CDC14B: variants seen among roughly 807,000 people sequenced by gnomAD.
CDC14B encodes cell division cycle 14B.
Under a neutral mutation model 64.2 loss-of-function variants are expected in CDC14B, and 22 were observed. That is an observed-to-expected ratio of 0.34 (90% confidence interval 0.24 to 0.49). The LOEUF (loss-of-function observed/expected upper bound fraction) is 0.49. Ranked by LOEUF, CDC14B falls within the 20% of genes least tolerant of loss-of-function variation. The pLI is 0.99. For missense variants in CDC14B, 498 were observed against 629.9 expected (o/e 0.79, Z 2.24); for synonymous variants, 191 against 215.8 (o/e 0.89, Z 1.01).
rs773448253 is a variant in CDC14B at position 96,619,254 on chromosome 9, C to G, written c.125G>C (p.Arg42Pro). The change falls in exon 1 of 14, where the codon CGG becomes CCG. Residue 42 changes from arginine to proline, a missense_variant. Arg to Pro is a moderately radical substitution (Grantham distance 103). Transcript: ENST00000375241. ...RSSTQQDPRR[R>P]DPQDDVYLDI... ...CAGGTACACGTCGTCCTGGGGGTCC[C>G]GGCGGCGCGGGTCTTGCTGCGTGGA... is the stretch of plus-strand genomic sequence containing the variant. The G allele has an allele frequency of 1.5e-6, 2 of 1,359,404 alleles. No homozygotes were observed. The highest frequency in any genetic ancestry group is 2.2e-5 in the South Asian group (1 of 44,742). 84.2% of individuals were successfully genotyped at this position (1,359,404 alleles called of 1,614,324 possible).
intron 1 of CDC14B, among the ~76,000 whole-genome samples, chr9:96,595,790 C>T (rs936465671): frequency 1.3e-5 from 2 of 152,008 alleles, no homozygotes; most frequent in Non-Finnish European, 2.9e-5. Context: ...TTCGTAGTTG[C>T]GCCTGGCTGG....
chr9:96,588,353 T>TG (rs1845576302), intron 1 of CDC14B, among the ~76,000 whole-genome samples: 1 of 152,208 alleles, frequency 6.6e-6, no homozygotes, highest in Non-Finnish European at 1.5e-5. Context: ...GCAACTCCAC[T>TG]GGAAGCCAAA....
chr9:96,516,289 T>C (rs1328781909), intron 12 of CDC14B, among the ~76,000 whole-genome samples: 1 of 152,186 alleles, frequency 6.6e-6, no homozygotes, highest in African/African-American at 2.4e-5. Context: ...TACTAACTCC[T>C]GAGCCATCCA....
At chr9:96,511,397 C>T (rs927406964) in intron 12 of CDC14B, among the ~76,000 whole-genome samples, 4 of 152,120 alleles carry the variant, frequency 2.6e-5, no homozygotes, top group Non-Finnish European at 5.9e-5. Context: ...ATGGTGAAAC[C>T]CCGTCTCTAC....
chr9:96,517,668 G>GAAGAAAGA (rs555556606), intron 12 of CDC14B, among the ~76,000 whole-genome samples: 2 of 115,450 alleles, frequency 1.7e-5, no homozygotes, highest in African/African-American at 7.4e-5. Flanking sequence ...AAAAAAAGAA[G>GAAGAAAGA]AAGAAAGAAA....
In CDC14B at chr9:96,619,248, G is replaced by A. The variant is rs748246210; in HGVS notation, c.131C>T (p.Pro44Leu). 3 of 1,357,570 alleles carry A rather than the reference G, an allele frequency of 2.2e-6. No individual in the cohort carries two copies. The Admixed American group carries it at 8.3e-5, about 38-fold the overall frequency. The allele number at this position is 1,357,570 out of a possible 1,614,324, so 84.1% of individuals were successfully genotyped here. Reference protein sequence around the residue: ...STQQDPRRRDPQDDVYLDITD... With the variant: ...STQQDPRRRDLQDDVYLDITD... ...GATGTCCAGGTACACGTCGTCCTGG[G>A]GGTCCCGGCGGCGCGGGTCTTGCTG... The change falls in exon 1 of 14, where the codon CCC becomes CTC. Residue 44 changes from proline to leucine, a missense_variant. Physicochemically the swap from Pro to Leu is moderately conservative, Grantham distance 98. Transcript: ENST00000375241.
chr9:96,566,562 C>T (rs1843983141), intron 1 of CDC14B, among the ~76,000 whole-genome samples: 1 of 152,216 alleles, frequency 6.6e-6, no homozygotes, highest in African/African-American at 2.4e-5. Flanking sequence ...AGCTCACCTA[C>T]TAGGCTCAGG....
intron 12 of CDC14B, among the ~76,000 whole-genome samples, chr9:96,512,446 A>T (rs1262059915): frequency 6.6e-6 from 1 of 151,150 alleles, no homozygotes; most frequent in Admixed American, 6.6e-5. Flanking sequence ...CAGCCTCCAG[A>T]GTAGTTGGGA....
At chr9:96,566,033 T>C (rs1233058965) in intron 1 of CDC14B, among the ~76,000 whole-genome samples, 1 of 151,312 alleles carries the variant, frequency 6.6e-6, no homozygotes. Flanking sequence ...ACTTCGGTAT[T>C]TTTACAATTA....
At chr9:96,514,797 G>A in intron 12 of CDC14B, 1 of 985,468 alleles carries the variant, frequency 1.0e-6, no homozygotes. Flanking sequence ...CCTTCTGGGG[G>A]TCTTCAACAT....
chr9:96,541,485 G>A (rs895600054), intron 6 of CDC14B, among the ~76,000 whole-genome samples: 2 of 152,206 alleles, frequency 1.3e-5, no homozygotes, highest in Non-Finnish European at 1.5e-5. Flanking sequence ...ACAAATCAAA[G>A]AGAACTTACC....
chr9:96,554,387 G>T (rs568503122), intron 4 of CDC14B, among the ~76,000 whole-genome samples: 1 of 152,164 alleles, frequency 6.6e-6, no homozygotes, highest in East Asian at 1.9e-4. Flanking sequence ...TTTCCTGCTT[G>T]TGATTACAGT....
intron 2 of CDC14B, 140 bp downstream of exon 2, chr9:96,565,253 T>G (rs1303345073): frequency 3.4e-6 from 2 of 587,450 alleles, no homozygotes; most frequent in Non-Finnish European, 5.9e-6. Context: ...AAGGTTTATT[T>G]TATTACTACA....
intron 1 of CDC14B, among the ~76,000 whole-genome samples, chr9:96,607,437 T>TTC (rs1292597177): frequency 6.8e-6 from 1 of 147,294 alleles, no homozygotes; most frequent in Non-Finnish European, 1.5e-5. Flanking sequence ...TTTTTTTTTT[T>TTC]TAAGATAGAG....
intron 9 of CDC14B, 114 bp downstream of exon 9, chr9:96,533,813 T>C: frequency 4.8e-6 from 3 of 622,440 alleles, no homozygotes; most frequent in Non-Finnish European, 7.9e-6. Context: ...CACGGCACTC[T>C]AAAAATAAAG....
chr9:96,506,258 C>G (rs1475360919), intron 13 of CDC14B, among the ~76,000 whole-genome samples: 1 of 152,144 alleles, frequency 6.6e-6, no homozygotes, highest in Non-Finnish European at 1.5e-5. Context: ...TTAGCTCATA[C>G]TATTTTGTCC....
intron 12 of CDC14B, among the ~76,000 whole-genome samples, chr9:96,516,316 G>A (rs890039393): frequency 2.0e-5 from 3 of 152,130 alleles, no homozygotes; most frequent in Admixed American, 6.5e-5. Context: ...TAAGGGAATG[G>A]CACATTTTTA....
At chr9:96,557,829 A>T (rs1395226110) in intron 4 of CDC14B, among the ~76,000 whole-genome samples, 1 of 152,240 alleles carries the variant, frequency 6.6e-6, no homozygotes, top group Non-Finnish European at 1.5e-5. Flanking sequence ...TCTATTAAAC[A>T]TTAGAGGAAA....
At chr9:96,592,793 C>T (rs1588045238) in intron 1 of CDC14B, among the ~76,000 whole-genome samples, 1 of 151,162 alleles carries the variant, frequency 6.6e-6, no homozygotes, top group Middle Eastern at 3.4e-3. Flanking sequence ...AACAAAAAAA[C>T]AGGTTGCTAA....
Sources: gnomAD v4.1 joint callset for allele counts (sites outside exome capture counted in the v4.1 genomes callset) on GRCh38, gnomAD v4.1.1 for gene constraint, MANE v1.5 for transcripts, NCBI Gene and HGNC (gene_info 2026-07-23, HGNC 2026-07-21) for gene names.